The following ADARB2 variants were observed in gnomAD, a reference collection of about 807,000 sequenced individuals.
ADARB2 encodes the protein inactive double-stranded RNA-specific editase B2.
A neutral mutation model predicts 62.2 loss-of-function variants in ADARB2; 25 were observed. That is an observed-to-expected ratio of 0.40 (90% confidence interval 0.29 to 0.56). The LOEUF (loss-of-function observed/expected upper bound fraction) is 0.56, where lower values mean the gene tolerates loss of function less well. ADARB2 is among the 20% of genes least tolerant of loss of function. The pLI, the probability that ADARB2 is intolerant of heterozygous loss-of-function variation, is 0.43. For synonymous variants in ADARB2, 572 were observed against 500.8 expected, an observed-to-expected ratio of 1.14 and a Z score of -1.90; for missense variants, 1,071 against 1,077.4, an observed-to-expected ratio of 0.99 and a Z score of 0.08.
At chr10:1,550,837 A>T (rs896022126) in intron 1 of ADARB2, among the ~76,000 whole-genome samples, 1 of 150,200 alleles carries the variant, frequency 6.7e-6, no homozygotes, top group Non-Finnish European at 1.5e-5. Context: ...TCTCCGCCTA[A>T]CGGTCCCCGC....
rs1415224983 is a variant in ADARB2, at chr10:1,184,944, T to A, written c.1960A>T (p.Thr654Ser). The A allele has an allele frequency of 3.7e-6, 6 of 1,613,882 alleles. No individual in the cohort carries two copies. In the South Asian group the frequency reaches 6.6e-5, roughly 18 times the overall value. Reference sequence around the variant, plus strand: ...CCCCCACAGCTCCTCCGCCCAGTGGTGGCGTTGATAATCTCCAGGTCCGCG... The same window carrying A: ...CCCCCACAGCTCCTCCGCCCAGTGGAGGCGTTGATAATCTCCAGGTCCGCG... ...GSADLEIINA[T>S]TGRRSCGGPS... The change falls in exon 9 of 10, where the codon ACC becomes TCC. Residue 654 changes from threonine to serine, a missense_variant. Transcript: ENST00000381312.
intron 1 of ADARB2, among the ~76,000 whole-genome samples, chr10:1,448,399 C>G (rs1436538576): frequency 6.6e-6 from 1 of 152,208 alleles, no homozygotes; most frequent in Non-Finnish European, 1.5e-5. Context: ...TGAATATCCA[C>G]AGCTCCTTCT....
intron 5 of ADARB2, among the ~76,000 whole-genome samples, 161 bp from the exon 6 acceptor site, chr10:1,234,006 T>C (rs1830836522): frequency 6.8e-6 from 1 of 148,030 alleles, no homozygotes; most frequent in South Asian, 2.2e-4. Flanking sequence ...AGTCTTGTTC[T>C]GTCACCCAGG....
At chr10:1,504,966 CACAG>C (rs923572813) in intron 1 of ADARB2, among the ~76,000 whole-genome samples, 6 of 151,666 alleles carry the variant, frequency 4.0e-5, no homozygotes, top group African/African-American at 1.2e-4. Context: ...ACATGACACA[CACAG>C]ACACACATAC....
chr10:1,377,829 C>T (rs566598809), intron 2 of ADARB2, among the ~76,000 whole-genome samples: 23 of 152,282 alleles, frequency 1.5e-4, no homozygotes, highest in African/African-American at 5.5e-4. Flanking sequence ...TCCTGACACT[C>T]AAAGGCTGTG....
chr10:1,662,749 C>T (rs1434520920), intron 1 of ADARB2, among the ~76,000 whole-genome samples: 1 of 152,206 alleles, frequency 6.6e-6, no homozygotes, highest in Admixed American at 6.5e-5. Flanking sequence ...CAACAATTCA[C>T]ATCATTTCCG....
At chr10:1,731,285 A>AATT (rs2119047716) in intron 1 of ADARB2, among the ~76,000 whole-genome samples, 1 of 152,364 alleles carries the variant, frequency 6.6e-6, no homozygotes, top group African/African-American at 2.4e-5. Context: ...AAGCAATCAG[A>AATT]TAAAATAGCC....
chr10:1,410,197 G>A (rs1314029089), intron 1 of ADARB2, among the ~76,000 whole-genome samples: 1 of 148,432 alleles, frequency 6.7e-6, no homozygotes, highest in African/African-American at 2.5e-5. Context: ...TCATGGGGAA[G>A]GATTCCCAGT....
At chr10:1,319,972 G>C (rs1465732261) in intron 3 of ADARB2, among the ~76,000 whole-genome samples, 1 of 152,184 alleles carries the variant, frequency 6.6e-6, no homozygotes, top group East Asian at 1.9e-4. Context: ...GCAAGGTGCA[G>C]CCCACCAGCA....
chr10:1,564,798 T>TTTA (rs1554772137), intron 1 of ADARB2, among the ~76,000 whole-genome samples: 15 of 151,164 alleles, frequency 9.9e-5, no homozygotes, highest in African/African-American at 1.5e-4. Flanking sequence ...TTTTTTTTTT[T>TTTA]AATTTCTGCC....
At chr10:1,319,715 G>A (rs1200697117) in intron 3 of ADARB2, among the ~76,000 whole-genome samples, 1 of 152,188 alleles carries the variant, frequency 6.6e-6, no homozygotes, top group African/African-American at 2.4e-5. Flanking sequence ...TGAATGCCAA[G>A]GCATTCTGTG....
intron 1 of ADARB2, among the ~76,000 whole-genome samples, chr10:1,475,295 G>A (rs1423984501): frequency 6.6e-6 from 1 of 152,216 alleles, no homozygotes; most frequent in African/African-American, 2.4e-5. Context: ...ACCGCAGGCT[G>A]GGTTTGACAG....
intron 1 of ADARB2, among the ~76,000 whole-genome samples, chr10:1,726,588 G>A (rs1295617979): frequency 6.6e-6 from 1 of 152,168 alleles, no homozygotes. Flanking sequence ...GCCGTCCTTG[G>A]TCACGAACGA....
chr10:1,538,309 C>G (rs1390242529), intron 1 of ADARB2, among the ~76,000 whole-genome samples: 1 of 152,160 alleles, frequency 6.6e-6, no homozygotes, highest in East Asian at 1.9e-4. Context: ...GGTGGGTGTC[C>G]CACAGGGGTC....
intron 7 of ADARB2, among the ~76,000 whole-genome samples, chr10:1,207,174 C>G (rs1837079749): frequency 6.6e-6 from 1 of 152,036 alleles, no homozygotes; most frequent in African/African-American, 2.4e-5. Flanking sequence ...TGGCGAAACC[C>G]TGTCTCTACT....
chr10:1,374,793 G>A (rs568568107), intron 2 of ADARB2, among the ~76,000 whole-genome samples: 1 of 152,386 alleles, frequency 6.6e-6, no homozygotes, highest in Admixed American at 6.5e-5. Flanking sequence ...GCTCCCGGGA[G>A]TTAGTCAGGC....
intron 6 of ADARB2, among the ~76,000 whole-genome samples, chr10:1,221,831 A>G (rs375625494): frequency 1.3e-5 from 2 of 152,052 alleles, no homozygotes; most frequent in African/African-American, 2.4e-5. Flanking sequence ...TTGGACATTT[A>G]GGTTGGTTCC....
intron 1 of ADARB2, among the ~76,000 whole-genome samples, chr10:1,449,443 G>T (rs967202267): frequency 6.6e-5 from 10 of 152,164 alleles, no homozygotes; most frequent in African/African-American, 2.4e-4. Flanking sequence ...CATATCCATT[G>T]GTCCTGTGTG....
chr10:1,268,503 T>C (rs75175540), intron 4 of ADARB2, among the ~76,000 whole-genome samples: 3,811 of 152,318 alleles, frequency 0.025, 68 homozygotes, highest in African/African-American at 0.042. Context: ...AATCAAATTG[T>C]GTTTTATTTC....
Sources: allele counts gnomAD v4.1 joint callset (sites outside exome capture counted in the v4.1 genomes callset), GRCh38; gene constraint gnomAD v4.1.1; transcripts MANE v1.5; gene names NCBI Gene and HGNC (gene_info 2026-07-23, HGNC 2026-07-21).